The following MYH11 variants were observed in gnomAD, a reference collection of about 807,000 sequenced individuals.
MYH11 encodes the protein myosin heavy chain 11, also known as myosin-11.
A neutral mutation model predicts 246.6 loss-of-function variants in MYH11; 80 were observed. The ratio of observed to expected loss-of-function variants is 0.32; its 90% CI spans 0.27 to 0.39. MYH11 has a LOEUF of 0.39. Ranked by LOEUF, MYH11 falls within the 10% of genes least tolerant of loss-of-function variation. The pLI, the probability that MYH11 is intolerant of heterozygous loss-of-function variation, is 1.00. For missense variants in MYH11, 2,158 were observed against 2,546.8 expected (o/e 0.85, Z 3.29); for synonymous variants, 1,071 against 1,015.5 (o/e 1.05, Z -1.04).
At chr16:15,816,140 C>G (rs1483967674) in intron 3 of MYH11, among the ~76,000 whole-genome samples, 1 of 152,014 alleles carries the variant, frequency 6.6e-6, no homozygotes, top group Non-Finnish European at 1.5e-5. Context: ...GAGAGTAAAG[C>G]AAGAAAGAGG....
At chr16:15,720,465 G>A (rs1193307071) in intron 33 of MYH11, among the ~76,000 whole-genome samples, 153 bp from the exon 34 acceptor site, 4 of 152,096 alleles carry the variant, frequency 2.6e-5, no homozygotes, top group African/African-American at 7.2e-5. Context: ...ACGGAATCAC[G>A]CCGGGCGTGG....
At chr16:15,738,503 A>G in intron 24 of MYH11, 62 bp downstream of exon 24, 148 of 1,282,544 alleles carry the variant, frequency 1.2e-4, no homozygotes, top group Non-Finnish European at 1.5e-4. Context: ...ACAGAGCAAG[A>G]CCTCATCTCT....
Position 15,717,151 on chromosome 16 carries a change from C to T in MYH11, c.5493G>A (p.Glu1831=), listed in dbSNP as rs778962623. 5.6e-6 allele frequency: 9 copies of T among 1,614,200 alleles called. No individual in the cohort carries two copies. Among genetic ancestry groups the T allele is most frequent in the South Asian group, 4.4e-5 (4 of 91,090 alleles). The change falls in exon 38 of 41, where the codon GAG becomes GAA. Residue 1831 remains glutamate (E), a synonymous_variant. Transcript: ENST00000300036. ...CCACACCCGCATACCTGGCCTCCTG[C>T]TCGACCTGCTCCTCCAGCTGTGCAA... ...AKIAQLEEQV[E]QEAREKQAAT...
chr16:15,836,062 G>A (rs978700683), intron 2 of MYH11, among the ~76,000 whole-genome samples: 1 of 152,040 alleles, frequency 6.6e-6, no homozygotes, highest in African/African-American at 2.4e-5. Flanking sequence ...CAAGAGGCTG[G>A]CACTATTCTT....
chr16:15,822,370 A>C (rs1051259765), intron 3 of MYH11, among the ~76,000 whole-genome samples: 1 of 152,126 alleles, frequency 6.6e-6, no homozygotes, highest in Non-Finnish European at 1.5e-5. Flanking sequence ...CAGGGGCTCC[A>C]AAGTGTTCTA....
At chr16:15,836,330 T>G (rs1379559506) in intron 2 of MYH11, among the ~76,000 whole-genome samples, 2 of 152,184 alleles carry the variant, frequency 1.3e-5, no homozygotes, top group African/African-American at 4.8e-5. Context: ...TAGCCACAGG[T>G]GGCTATTGAC....
At chr16:15,812,532 C>A (rs1051148560) in intron 3 of MYH11, among the ~76,000 whole-genome samples, 9 of 94,682 alleles carry the variant, frequency 9.5e-5, no homozygotes, top group Non-Finnish European at 1.7e-4. Context: ...GCCTGGGCAA[C>A]ACAGTAAGAT....
rs148170159 is a variant in MYH11, at chr16:15,793,038, C to T, written c.530+5622G>A. ...GCATGAGCCACCATGCCCAGCCTGT[C>T]ATCCATTTTAGACGAAAGTTTAAAC... On this transcript the variant is annotated intron_variant, in intron 4 of 40. Transcript: ENST00000300036. Among the ~76,000 whole-genome samples, 615 of 152,086 alleles carry T rather than the reference C, an allele frequency of 4.0e-3. 4 individuals are homozygous for T. The highest frequency in any genetic ancestry group is 0.014 in the African/African-American group (596 of 41,492).
chr16:15,802,358 G>A (rs1053240060), intron 3 of MYH11, among the ~76,000 whole-genome samples: 3 of 152,240 alleles, frequency 2.0e-5, no homozygotes, highest in Non-Finnish European at 4.4e-5. Context: ...GTGAGGTTCA[G>A]AAGTGAGGCA....
intron 1 of MYH11, among the ~76,000 whole-genome samples, chr16:15,841,753 A>G (rs535006662): frequency 1.9e-4 from 29 of 152,346 alleles, no homozygotes; most frequent in Non-Finnish European, 3.4e-4. Flanking sequence ...ACTGGCTTAC[A>G]GCCCCTTCTA....
chr16:15,717,187 C>T lies in MYH11; in HGVS notation c.5457G>A (p.Leu1819=). ...KSKFKSTIAA[L]EAKIAQLEEQ... ...CCTCCAGCTGTGCAATCTTGGCCTC[C>T]AGCGCCGCGATGGTGGACTTGAACT... The change falls in exon 38 of 41, where the codon CTG becomes CTA. Residue 1819 remains leucine (L), a synonymous_variant. Transcript: ENST00000300036. The T allele has an allele frequency of 1.2e-6, 2 of 1,614,226 alleles. No individual in the cohort carries two copies. Among genetic ancestry groups the T allele is most frequent in the South Asian group, 1.1e-5 (1 of 91,088 alleles).
chr16:15,780,135 G>C (rs183405989), intron 6 of MYH11, among the ~76,000 whole-genome samples: 1 of 152,180 alleles, frequency 6.6e-6, no homozygotes, highest in Non-Finnish European at 1.5e-5. Context: ...TGTCTTGCAC[G>C]TGCTTCCATT....
chr16:15,845,561 T>G (rs535331833), intron 1 of MYH11, among the ~76,000 whole-genome samples: 8 of 152,330 alleles, frequency 5.3e-5, no homozygotes, highest in African/African-American at 1.9e-4. Flanking sequence ...GTCACAGAAG[T>G]GGCTTGATAC....
intron 9 of MYH11, among the ~76,000 whole-genome samples, chr16:15,769,878 C>G (rs1243043575): frequency 2.0e-5 from 3 of 150,330 alleles, no homozygotes; most frequent in Admixed American, 6.6e-5. Context: ...CCAGGCTGGT[C>G]TCGAACTCCT....
chr16:15,777,862 C>A (rs2042260244), intron 7 of MYH11, among the ~76,000 whole-genome samples: 1 of 152,072 alleles, frequency 6.6e-6, no homozygotes, highest in Non-Finnish European at 1.5e-5. Context: ...AAACTGAGGC[C>A]CAGAGAGCTT....
chr16:15,728,238 A>G (rs750101355), intron 27 of MYH11, among the ~76,000 whole-genome samples: 9 of 152,292 alleles, frequency 5.9e-5, no homozygotes, highest in South Asian at 2.1e-4. Flanking sequence ...CAATCAATCA[A>G]TCAATAACTA....
rs2040361516 is a variant in MYH11, at chr16:15,719,657, C to G, written c.5010G>C (p.Glu1670Asp). 3 of 1,614,214 alleles carry G rather than the reference C, an allele frequency of 1.9e-6. No homozygotes were observed. The highest frequency in any genetic ancestry group is 2.2e-5 in the South Asian group (2 of 91,090). Reference sequence around the variant, plus strand: ...CATTCTCTTTGGCTGTGGCAAAGATCTCATCTCTGGAGGCACGGGCATCTT... The same window carrying G: ...CATTCTCTTTGGCTGTGGCAAAGATGTCATCTCTGGAGGCACGGGCATCTT... ...ELEDARASRDEIFATAKENEK... is the reference protein window; with the variant it reads ...ELEDARASRDDIFATAKENEK... Residue 1670 changes from glutamate (E) to aspartate (D), a missense_variant, in exon 35 of 41, where the codon GAG becomes GAC. Physicochemically the swap from Glu to Asp is conservative, Grantham distance 45. Coordinates refer to ENST00000300036, the MANE Select transcript of MYH11 (RefSeq NM_002474.3).
chr16:15,740,503 C>T (rs529192720), intron 22 of MYH11, among the ~76,000 whole-genome samples: 2 of 151,484 alleles, frequency 1.3e-5, no homozygotes, highest in South Asian at 2.1e-4. Context: ...CCCAGCTACT[C>T]GGGAGGCTGA....
chr16:15,704,102 G>GA lies in MYH11; in HGVS notation c.5807dup (p.Val1937ArgfsTer4). 1.2e-6 allele frequency: 2 copies of GA among 1,614,080 alleles called. No homozygotes were observed. The highest frequency in any genetic ancestry group is 1.7e-6 in the Non-Finnish European group (2 of 1,180,010). On this transcript the variant is annotated frameshift_variant, in exon 41 of 41. Transcript: ENST00000300036. LOFTEE classifies it high-confidence loss of function. ...GTCCTCCAGACCTTCTAGAAGGAAC[G>GA]AAAGAGGTCTCGTTTCCTCGCCTGT...
Sources: gnomAD v4.1 joint callset for allele counts (sites outside exome capture counted in the v4.1 genomes callset) on GRCh38, gnomAD v4.1.1 for gene constraint, MANE v1.5 for transcripts, NCBI Gene and HGNC (gene_info 2026-07-23, HGNC 2026-07-21) for gene names.